Variants in PKD1L3 observed in about 807,000 individuals in gnomAD.
PKD1L3 encodes polycystin-1-like protein 3.
A neutral mutation model predicts 184.1 loss-of-function variants in PKD1L3; 239 were observed. The observed-to-expected ratio is 1.30, with a 90% CI of 1.17 to 1.45. The LOEUF is 1.45. PKD1L3 is among the 40% of genes most tolerant of loss of function. The pLI is 0.00. For synonymous variants in PKD1L3, 996 were observed against 778.8 expected, an observed-to-expected ratio of 1.28 and a Z score of -4.64; for missense variants, 2,660 against 2,067.2, an observed-to-expected ratio of 1.29 and a Z score of -5.56.
At chr16:71,965,420 T>G (rs1220744857) in intron 15 of PKD1L3, among the ~76,000 whole-genome samples, 1 of 152,182 alleles carries the variant, frequency 6.6e-6, no homozygotes, top group Non-Finnish European at 1.5e-5. Flanking sequence ...CTGGGTCACA[T>G]GGTCAGTGTA....
rs1191318724 is a variant in PKD1L3 at position 71,935,359 on chromosome 16, T to C, written c.4612A>G (p.Arg1538Gly). 1 of 1,551,110 alleles carries C rather than the reference T, an allele frequency of 6.4e-7. No individual in the cohort carries two copies. The highest frequency in any genetic ancestry group is 1.4e-5 in the African/African-American group (1 of 73,048). ...NMARYRDDQD[R>G]FISFYEAVKV... ...TGTGCCCCTCAGGCTTCCTCTCACC[T>C]GTCCTGGTCATCGCGGTATCGTGCC... The change falls in exon 26 of 30, where the codon AGA (arginine) becomes GGA (glycine). Residue 1538 changes from arginine to glycine, a missense_variant and splice_region_variant. Physicochemically the swap from Arg to Gly is moderately radical, Grantham distance 125. Coordinates refer to ENST00000620267, the MANE Select transcript of PKD1L3 (RefSeq NM_181536.2).
Position 71,944,246 on chromosome 16 carries a change from A to G in PKD1L3, c.3719-76T>C, listed in dbSNP as rs571401466. On this transcript the variant is annotated intron_variant, in intron 22 of 29. Transcript: ENST00000620267. The stretch of plus-strand genomic sequence containing the variant: ...GTCACTCACCATTCATTGAGCATCT[A>G]CTGTGAGCACCTCCTTTTAAATGTT... The G allele has an allele frequency of 7.8e-5, 102 of 1,300,884 alleles. 1 individual carries two copies. Among genetic ancestry groups the G allele is most frequent in the Non-Finnish European group, 1.1e-4 (100 of 933,776 alleles). The allele number at this position is 1,300,884 out of a possible 1,614,324, so 80.6% of individuals were successfully genotyped here. A position where few individuals can be genotyped will look rare whatever the true frequency, so the allele number is the denominator to read the frequency against.
In PKD1L3 at chr16:71,967,267, G is replaced by A. The variant is rs886889948; in HGVS notation, c.2335C>T (p.Leu779Phe). 1.3e-6 allele frequency: 2 copies of A among 1,551,674 alleles called. No homozygotes were observed. Among genetic ancestry groups the A allele is most frequent in the East Asian group, 2.4e-5 (1 of 40,920 alleles). ...AAGACTGTCTTCTGGGGGTCACAGA[G>A]GTGATGGGGCTCACTCCGTCCCTCT... Reference protein sequence around the residue: ...GSEGRSEPHHLCDPQKTVFER... With the variant: ...GSEGRSEPHHFCDPQKTVFER... The change falls in exon 15 of 30, where the codon CTC becomes TTC. Residue 779 changes from leucine to phenylalanine, a missense_variant. Leu to Phe is a conservative substitution (Grantham distance 22, BLOSUM62 0). Transcript: ENST00000620267.
chr16:71,994,207 C>G (rs914616892), intron 2 of PKD1L3, among the ~76,000 whole-genome samples: 1 of 152,162 alleles, frequency 6.6e-6, no homozygotes, highest in Non-Finnish European at 1.5e-5. Context: ...GAAGCTCGAG[C>G]AGCCTGCCTT....
At chr16:71,936,323 C>A (rs1222079983) in intron 25 of PKD1L3, among the ~76,000 whole-genome samples, 1 of 150,292 alleles carries the variant, frequency 6.7e-6, no homozygotes, top group East Asian at 2.0e-4. Flanking sequence ...CTGCCCCAGT[C>A]TCCCGAGTAG....
intron 16 of PKD1L3, among the ~76,000 whole-genome samples, chr16:71,954,983 A>G (rs1387293799): frequency 2.0e-4 from 30 of 152,166 alleles, no homozygotes; most frequent in Non-Finnish European, 5.9e-5. Context: ...GAGCTCATGA[A>G]AGGATACTTG....
At chr16:71,953,619 G>A (rs1294857485) in intron 17 of PKD1L3, among the ~76,000 whole-genome samples, 7 of 152,150 alleles carry the variant, frequency 4.6e-5, no homozygotes, top group Admixed American at 6.5e-5. Flanking sequence ...TCCCCGAGAC[G>A]GGGTTTTGCT....
At chr16:71,960,591 A>G (rs1265324670) in intron 16 of PKD1L3, among the ~76,000 whole-genome samples, 1 of 152,092 alleles carries the variant, frequency 6.6e-6, no homozygotes, top group Non-Finnish European at 1.5e-5. Flanking sequence ...TGCTCCTAAT[A>G]AACATCCAAT....
intron 22 of PKD1L3, among the ~76,000 whole-genome samples, chr16:71,945,266 C>CTATATATATATATATATATA (rs60469321): frequency 1.6e-5 from 1 of 63,944 alleles, no homozygotes; most frequent in Non-Finnish European, 3.0e-5. Context: ...AATTTCTTAA[C>CTATATATATATATATATATA]TATATATATA....
chr16:71,979,662 C>T, intron 9 of PKD1L3, 124 bp downstream of exon 9: 9 of 1,187,388 alleles, frequency 7.6e-6, no homozygotes, highest in Middle Eastern at 2.0e-4. Flanking sequence ...ATGAATGCTA[C>T]ATAAACTCTC....
chr16:71,941,109 A>C (rs2038344409), intron 24 of PKD1L3, among the ~76,000 whole-genome samples: 1 of 152,096 alleles, frequency 6.6e-6, no homozygotes, highest in Non-Finnish European at 1.5e-5. Context: ...AAGTGCTGGG[A>C]TTATAGGCTT....
chr16:71,996,219 A>ATAAGAATC (rs1471805477), intron 2 of PKD1L3, among the ~76,000 whole-genome samples: 5 of 146,526 alleles, frequency 3.4e-5, no homozygotes. Flanking sequence ...TTCAATTGCT[A>ATAAGAATC]TAAGAATCCC....
chr16:71,949,841 C>G lies in PKD1L3; in HGVS notation c.3560G>C (p.Trp1187Ser). 3.2e-6 allele frequency: 5 copies of G among 1,551,456 alleles called. No individual in the cohort carries two copies. The highest frequency in any genetic ancestry group is 3.5e-6 in the Non-Finnish European group (4 of 1,146,984). ...CACTGATAAAATAATTGAAATCATC[C>G]AGCTGGTGGCTTGGTCTTTGCTCAA... ...LELSKDQATS[W>S]MISIILSVLQ... Residue 1187 changes from tryptophan (W) to serine (S), a missense_variant, in exon 21 of 30, where the codon TGG becomes TCG. Trp to Ser is a radical substitution (Grantham distance 177, BLOSUM62 -3). Transcript: ENST00000620267.
Position 71,939,245 on chromosome 16 carries a change from G to C in PKD1L3, c.4325-1826C>G, listed in dbSNP as rs576469812. On this transcript the variant is annotated intron_variant, in intron 24 of 29. Coordinates refer to ENST00000620267, the MANE Select transcript of PKD1L3 (RefSeq NM_181536.2). ...CCAGCGTGCCTGGCTGTGTGCAATGGCTGGACCCCGTGCTTGCTCATCCAT... is the reference window on the plus strand; with the variant it reads ...CCAGCGTGCCTGGCTGTGTGCAATGCCTGGACCCCGTGCTTGCTCATCCAT... 3.9e-5 allele frequency among the ~76,000 whole-genome samples: 6 copies of C among 152,334 alleles called. No individual in the cohort carries two copies. The South Asian group carries it at 1.2e-3, about 32-fold the overall frequency.
At chr16:71,997,752 A>AAAATAAAT (rs58522217) in intron 2 of PKD1L3, among the ~76,000 whole-genome samples, 53,890 of 145,328 alleles carry the variant, frequency 0.37, 10,622 homozygotes, top group East Asian at 0.68. Flanking sequence ...CAGTCTTGGA[A>AAAATAAAT]AAATAAATAA....
At chr16:71,980,200 T>A (rs2040096165) in intron 7 of PKD1L3, 66 bp from the exon 8 acceptor site, 8 of 1,502,560 alleles carry the variant, frequency 5.3e-6, no homozygotes, top group Middle Eastern at 3.4e-4. Flanking sequence ...TAAAATAATG[T>A]TTTGGAGAAG....
chr16:71,989,105 T>C (rs1403301173), intron 4 of PKD1L3, among the ~76,000 whole-genome samples: 1 of 152,206 alleles, frequency 6.6e-6, no homozygotes, highest in Non-Finnish European at 1.5e-5. Flanking sequence ...TTTCAAGGGC[T>C]AGTGGTTGTT....
At chr16:71,980,233 T>A (rs1242506885) in intron 7 of PKD1L3, 99 bp from the exon 8 acceptor site, 11 of 1,409,514 alleles carry the variant, frequency 7.8e-6, no homozygotes, top group African/African-American at 5.7e-5. Context: ...ATTTTCACAG[T>A]GTTGTAATGA....
chr16:71,948,060 G>T (rs1332151523), intron 21 of PKD1L3, among the ~76,000 whole-genome samples: 1 of 151,932 alleles, frequency 6.6e-6, no homozygotes, highest in Non-Finnish European at 1.5e-5. Flanking sequence ...GGGACTACAG[G>T]TGCATACCAC....
Sources: gnomAD v4.1 joint callset for allele counts (sites outside exome capture counted in the v4.1 genomes callset) on GRCh38, gnomAD v4.1.1 for gene constraint, MANE v1.5 for transcripts, NCBI Gene and HGNC (gene_info 2026-07-23, HGNC 2026-07-21) for gene names.